SPAG16: variants seen among roughly 807,000 people sequenced by gnomAD.
SPAG16 encodes sperm associated antigen 16, also known as sperm-associated antigen 16 protein.
SPAG16 carries 86 observed loss-of-function variants against 80.4 expected under a neutral mutation model. The observed-to-expected ratio is 1.07, with a 90% CI of 0.90 to 1.28. The LOEUF is 1.28. SPAG16 is among the 50% of genes most tolerant of loss of function. SPAG16 has a pLI of 0.00. For synonymous variants in SPAG16, 294 were observed against 265.9 expected, an observed-to-expected ratio of 1.11 and a Z score of -1.03; for missense variants, 870 against 765.3, an observed-to-expected ratio of 1.14 and a Z score of -1.61.
chr2:213,423,409 G>A (rs1235237132), intron 9 of SPAG16, among the ~76,000 whole-genome samples: 7 of 152,172 alleles, frequency 4.6e-5, no homozygotes, highest in Non-Finnish European at 8.8e-5. Context: ...ATACAGGATA[G>A]CAGTGTGTTG....
chr2:214,172,473 G>A lies in SPAG16; in HGVS notation c.1720+23207G>A, dbSNP rs187205368. ...GCATAGTATTCCATGGTGTATATGTGCCACATTTTCTTAATACAGTCTATC... is the reference window on the plus strand; with the variant it reads ...GCATAGTATTCCATGGTGTATATGTACCACATTTTCTTAATACAGTCTATC... On this transcript the variant is annotated intron_variant, in intron 15 of 15. Coordinates refer to ENST00000331683, the MANE Select transcript of SPAG16 (RefSeq NM_024532.5). 2.5e-3 allele frequency among the ~76,000 whole-genome samples: 380 copies of A among 152,180 alleles called. 2 individuals are homozygous for A. The highest frequency in any genetic ancestry group is 3.9e-3 in the Non-Finnish European group (266 of 67,992).
chr2:213,725,288 G>A (rs544768756), intron 10 of SPAG16, among the ~76,000 whole-genome samples: 88 of 152,176 alleles, frequency 5.8e-4, no homozygotes, highest in South Asian at 2.5e-3. Context: ...CCTCTCAAAG[G>A]GCTGGTATTA....
At chr2:213,871,867 CACACACACACACAG>C (rs1350543509) in intron 11 of SPAG16, among the ~76,000 whole-genome samples, 6 of 48,682 alleles carry the variant, frequency 1.2e-4, no homozygotes, top group East Asian at 6.0e-4. Context: ...CACACACACA[CACACACACACACAG>C]AGAGAGAGAG....
At chr2:213,586,757 A>C (rs2124892354) in intron 10 of SPAG16, among the ~76,000 whole-genome samples, 2 of 152,358 alleles carry the variant, frequency 1.3e-5, no homozygotes, top group Middle Eastern at 6.8e-3. Flanking sequence ...GTGTGTTTAC[A>C]AATTACAATG....
At chr2:213,835,970 C>A (rs1242938235) in intron 10 of SPAG16, among the ~76,000 whole-genome samples, 3 of 152,044 alleles carry the variant, frequency 2.0e-5, no homozygotes, top group African/African-American at 4.8e-5. Flanking sequence ...TTACTAAATT[C>A]TTTGAAAGTA....
intron 10 of SPAG16, among the ~76,000 whole-genome samples, chr2:213,549,506 A>T (rs2076721497): frequency 6.6e-6 from 1 of 152,126 alleles, no homozygotes; most frequent in Admixed American, 6.5e-5. Context: ...GATTCTGACT[A>T]CTAAAAATAT....
chr2:214,331,774 A>T (rs1170188148), intron 15 of SPAG16, among the ~76,000 whole-genome samples: 1 of 152,224 alleles, frequency 6.6e-6, no homozygotes, highest in Non-Finnish European at 1.5e-5. Flanking sequence ...TCTGTGAAGA[A>T]GGTCTCTAGG....
chr2:213,913,373 T>A (rs1327838449), intron 11 of SPAG16, among the ~76,000 whole-genome samples: 1 of 152,080 alleles, frequency 6.6e-6, no homozygotes, highest in Non-Finnish European at 1.5e-5. Context: ...TTGTATATGT[T>A]GAAGCACATG....
intron 15 of SPAG16, among the ~76,000 whole-genome samples, chr2:214,224,287 A>C (rs531479072): frequency 6.6e-6 from 1 of 152,328 alleles, no homozygotes; most frequent in South Asian, 2.1e-4. Flanking sequence ...CTAACTAATT[A>C]AAATGTTTCA....
chr2:213,883,049 G>C (rs1270196824), intron 11 of SPAG16, among the ~76,000 whole-genome samples: 2 of 151,990 alleles, frequency 1.3e-5, no homozygotes, highest in Non-Finnish European at 2.9e-5. Flanking sequence ...TGTATTTTTA[G>C]TAGAGACGGG....
intron 15 of SPAG16, among the ~76,000 whole-genome samples, chr2:214,184,913 T>C (rs2057420167): frequency 6.6e-6 from 1 of 152,096 alleles, no homozygotes; most frequent in Non-Finnish European, 1.5e-5. Context: ...AATGACAAAA[T>C]AGAAATGAAA....
chr2:214,386,204 A>C (rs575694410), intron 15 of SPAG16, among the ~76,000 whole-genome samples: 6 of 152,102 alleles, frequency 3.9e-5, no homozygotes, highest in African/African-American at 1.4e-4. Flanking sequence ...GTGAAACCCC[A>C]TATCTACAAA....
chr2:214,101,530 C>T (rs1430143478), intron 13 of SPAG16, among the ~76,000 whole-genome samples: 1 of 151,966 alleles, frequency 6.6e-6, no homozygotes, highest in African/African-American at 2.4e-5. Flanking sequence ...CATTTCCATT[C>T]ACCACTCTTA....
chr2:213,366,010 C>T (rs1282593542), intron 8 of SPAG16, among the ~76,000 whole-genome samples: 18 of 148,636 alleles, frequency 1.2e-4, no homozygotes, highest in Admixed American at 6.0e-4. Flanking sequence ...GGCGTAGTGG[C>T]GGGCGCCTGT....
chr2:213,477,423 A>G (rs1370750621), intron 9 of SPAG16, among the ~76,000 whole-genome samples: 1 of 152,240 alleles, frequency 6.6e-6, no homozygotes, highest in Non-Finnish European at 1.5e-5. Context: ...AAGCTATGGA[A>G]GCAGCTGGGA....
rs534601855 is a variant in SPAG16 at position 213,575,983 on chromosome 2, AG to A, written c.1070+85894del. Among the ~76,000 whole-genome samples, 1,044 of 152,232 alleles carry A rather than the reference AG, an allele frequency of 6.9e-3. 19 individuals are homozygous for A. Among genetic ancestry groups the A allele is most frequent in the African/African-American group, 0.024 (986 of 41,552 alleles). On this transcript the variant is annotated intron_variant, in intron 10 of 15. Coordinates refer to ENST00000331683, the MANE Select transcript of SPAG16 (RefSeq NM_024532.5). Reference sequence around the variant, plus strand: ...TTTGTTTGGAAATCCATTTGCTCAAAGTTAAAAAAAGCAACACAAGATTGTC... The same window carrying A: ...TTTGTTTGGAAATCCATTTGCTCAAATTAAAAAAAGCAACACAAGATTGTC...
At chr2:213,346,076 C>A (rs1449706146) in intron 6 of SPAG16, among the ~76,000 whole-genome samples, 1 of 152,082 alleles carries the variant, frequency 6.6e-6, no homozygotes, top group Admixed American at 6.6e-5. Flanking sequence ...GTTTTTAGTT[C>A]TCCTTGAAGA....
chr2:213,989,425 A>G (rs1304696186), intron 12 of SPAG16, among the ~76,000 whole-genome samples: 8 of 152,150 alleles, frequency 5.3e-5, no homozygotes, highest in Non-Finnish European at 1.0e-4. Flanking sequence ...CGTTTGCATT[A>G]TCACATGGTG....
intron 3 of SPAG16, among the ~76,000 whole-genome samples, chr2:213,298,690 T>C (rs1013412857): frequency 6.6e-6 from 1 of 152,242 alleles, no homozygotes; most frequent in Non-Finnish European, 1.5e-5. Flanking sequence ...AAGAAATACA[T>C]TGTAGTAGCT....
Sources: allele counts gnomAD v4.1 joint callset (sites outside exome capture counted in the v4.1 genomes callset), GRCh38; gene constraint gnomAD v4.1.1; transcripts MANE v1.5; gene names NCBI Gene and HGNC (gene_info 2026-07-23, HGNC 2026-07-21).